The following ENAH variants were observed in gnomAD, a reference collection of about 807,000 sequenced individuals.
ENAH encodes protein enabled homolog.
ENAH carries 23 observed loss-of-function variants against 78.7 expected under a neutral mutation model. The ratio of observed to expected loss-of-function variants is 0.29; its 90% CI spans 0.21 to 0.41. The LOEUF (loss-of-function observed/expected upper bound fraction) is 0.41. Among genes scored for constraint, ENAH ranks in the 10% least tolerant of loss-of-function variants. The pLI, the probability that ENAH is intolerant of heterozygous loss-of-function variation, is 1.00. For synonymous variants in ENAH, 226 were observed against 241.0 expected (o/e 0.94, Z 0.58); for missense variants, 544 against 691.0 (o/e 0.79, Z 2.39).
intron 5 of ENAH, among the ~76,000 whole-genome samples, chr1:225,518,786 C>T (rs540779555): frequency 6.6e-6 from 1 of 152,226 alleles, no homozygotes; most frequent in East Asian, 1.9e-4. Flanking sequence ...CCTCCAAAAT[C>T]TTTAGAATGC....
At chr1:225,590,082 AACACACACACACACACACAC>A (rs3050220) in intron 1 of ENAH, among the ~76,000 whole-genome samples, 18 of 131,494 alleles carry the variant, frequency 1.4e-4, no homozygotes, top group South Asian at 5.6e-4. Flanking sequence ...CTCATCACTC[AACACACACACACACACACAC>A]ACACACACAC....
At chr1:225,650,860 A>AC (rs1411706688) in intron 1 of ENAH, among the ~76,000 whole-genome samples, 4 of 149,080 alleles carry the variant, frequency 2.7e-5, no homozygotes, top group African/African-American at 9.9e-5. Flanking sequence ...AAAAAAAAAA[A>AC]AAAAAAAAAA....
chr1:225,650,848 TAAAAAAAAAAAAAAAAA>T (rs746549168), intron 1 of ENAH, among the ~76,000 whole-genome samples: 285 of 58,954 alleles, frequency 4.8e-3, no homozygotes, highest in African/African-American at 0.019. Context: ...AGACTGCATT[TAAAAAAAAAAAAAAAAA>T]AAAAAAAAAA....
intron 3 of ENAH, 42 bp from the exon 4 acceptor site, chr1:225,530,680 A>T: frequency 7.1e-7 from 1 of 1,412,804 alleles, no homozygotes; most frequent in Non-Finnish European, 1.0e-6. Context: ...TTATTTTCAT[A>T]TCTAGCTGGA....
intron 3 of ENAH, among the ~76,000 whole-genome samples, chr1:225,538,429 C>T (rs574113856): frequency 4.2e-4 from 64 of 151,938 alleles, no homozygotes; most frequent in Middle Eastern, 3.4e-3. Context: ...CATTTTGAAA[C>T]ATTTTCAAAA....
chr1:225,545,337 G>A (rs533443660), intron 3 of ENAH, among the ~76,000 whole-genome samples: 1 of 152,154 alleles, frequency 6.6e-6, no homozygotes, highest in African/African-American at 2.4e-5. Context: ...CCTAAGTTAT[G>A]GCAGTAGTTT....
Position 225,573,253 on chromosome 1 carries a change from T to C in ENAH, c.6-5839A>G, listed in dbSNP as rs17502497. On this transcript the variant is annotated intron_variant, in intron 1 of 13. Coordinates refer to ENST00000366843, the MANE Select transcript of ENAH (RefSeq NM_018212.6). ...CAAAGAAAGCATGAATATGACAATATGTAGCACACAGTAGGCACTCTTTAA... is the reference window on the plus strand; with the variant it reads ...CAAAGAAAGCATGAATATGACAATACGTAGCACACAGTAGGCACTCTTTAA... 6.7e-3 allele frequency among the ~76,000 whole-genome samples: 1,018 copies of C among 152,348 alleles called. 16 individuals carry two copies. The highest frequency in any genetic ancestry group is 0.054 in the South Asian group (259 of 4,818).
At chr1:225,532,056 A>G (rs964795130) in intron 3 of ENAH, among the ~76,000 whole-genome samples, 6 of 152,108 alleles carry the variant, frequency 3.9e-5, no homozygotes, top group Non-Finnish European at 7.4e-5. Flanking sequence ...AAACTTTTGA[A>G]ATTAAATACA....
At chr1:225,578,983 A>G (rs1317797022) in intron 1 of ENAH, among the ~76,000 whole-genome samples, 1 of 152,222 alleles carries the variant, frequency 6.6e-6, no homozygotes, top group Non-Finnish European at 1.5e-5. Context: ...TGTATATAGT[A>G]CTTACTAAGT....
chr1:225,518,083 A>G (rs1485052519), intron 5 of ENAH: 2 of 1,097,466 alleles, frequency 1.8e-6, no homozygotes, highest in South Asian at 1.6e-5. Context: ...GCATTCAGAC[A>G]CAATGTATAA....
intron 1 of ENAH, among the ~76,000 whole-genome samples, chr1:225,633,259 C>A (rs1400380230): frequency 6.6e-6 from 1 of 150,946 alleles, no homozygotes; most frequent in Non-Finnish European, 1.5e-5. Flanking sequence ...ACCATGTTAG[C>A]GAGGATGGTC....
chr1:225,593,297 C>T (rs996681687), intron 1 of ENAH, among the ~76,000 whole-genome samples: 2 of 148,392 alleles, frequency 1.3e-5, no homozygotes, highest in Admixed American at 1.4e-4. Context: ...ATGTTCTCTC[C>T]ATAAATCTTT....
intron 2 of ENAH, among the ~76,000 whole-genome samples, chr1:225,558,801 T>C (rs374977470): frequency 7.0e-4 from 106 of 151,980 alleles, no homozygotes; most frequent in African/African-American, 2.4e-3. Flanking sequence ...ACCCGGCTAA[T>C]TTTTTGTATT....
chr1:225,531,929 T>C (rs894857161), intron 3 of ENAH, among the ~76,000 whole-genome samples: 4 of 152,048 alleles, frequency 2.6e-5, no homozygotes, highest in African/African-American at 7.2e-5. Flanking sequence ...TAAAGACAAA[T>C]TGATGACAAC....
chr1:225,531,303 C>G (rs1429786442), intron 3 of ENAH, among the ~76,000 whole-genome samples: 1 of 151,976 alleles, frequency 6.6e-6, no homozygotes, highest in Non-Finnish European at 1.5e-5. Context: ...AAAAAACTTG[C>G]ATTCATACAA....
intron 1 of ENAH, among the ~76,000 whole-genome samples, chr1:225,630,564 C>A (rs1402597734): frequency 6.6e-6 from 1 of 152,162 alleles, no homozygotes; most frequent in African/African-American, 2.4e-5. Context: ...ATGTGAAACA[C>A]TCGAAATGGT....
At chr1:225,615,412 G>C (rs549574028) in intron 1 of ENAH, among the ~76,000 whole-genome samples, 3 of 152,142 alleles carry the variant, frequency 2.0e-5, no homozygotes, top group Non-Finnish European at 2.9e-5. Context: ...CCTCCCAGCC[G>C]CCTGCCTTGG....
chr1:225,598,201 C>T (rs2096912125), intron 1 of ENAH, among the ~76,000 whole-genome samples: 1 of 152,018 alleles, frequency 6.6e-6, no homozygotes, highest in African/African-American at 2.4e-5. Context: ...TGCATACACA[C>T]ATATCAAAAA....
intron 2 of ENAH, among the ~76,000 whole-genome samples, chr1:225,564,295 T>C (rs928061988): frequency 8.6e-5 from 13 of 151,798 alleles, no homozygotes; most frequent in Admixed American, 5.2e-4. Context: ...TTGGGGTTTT[T>C]TGTTTTTTTT....
Sources: allele counts gnomAD v4.1 joint callset (sites outside exome capture counted in the v4.1 genomes callset), GRCh38; gene constraint gnomAD v4.1.1; transcripts MANE v1.5; gene names NCBI Gene and HGNC (gene_info 2026-07-23, HGNC 2026-07-21).